Variants in PABIR3 observed in about 807,000 individuals in gnomAD.
PABIR3 encodes the protein PABIR family member 3, also known as PABIR family member 1.
A neutral mutation model predicts 23.1 loss-of-function variants in PABIR3; 20 were observed. The observed-to-expected ratio is 0.86, with a 90% CI of 0.61 to 1.26. The LOEUF is 1.26. PABIR3 is among the 50% of genes most tolerant of loss of function. The probability of loss-of-function intolerance (pLI) is 0.00; values close to 1 mark genes in which losing one functional copy is unlikely to be tolerated. For synonymous variants in PABIR3, 69 were observed against 68.5 expected, an observed-to-expected ratio of 1.01 and a Z score of -0.04; for missense variants, 189 against 195.4, an observed-to-expected ratio of 0.97 and a Z score of 0.20.
intron 3 of PABIR3, among the ~76,000 whole-genome samples, chrX:134,823,337 A>C (rs2081370891): frequency 8.9e-6 from 1 of 112,090 alleles, no homozygotes; most frequent in African/African-American, 3.2e-5. Flanking sequence ...AAGTATATGT[A>C]TACATTTAAG....
intron 3 of PABIR3, among the ~76,000 whole-genome samples, chrX:134,828,636 C>T (rs2081626154): frequency 9.0e-6 from 1 of 111,253 alleles, no homozygotes; most frequent in African/African-American, 3.3e-5. Context: ...AAAAAGTAGC[C>T]CCGAAAAAGA....
At chrX:134,859,771 C>T (rs747869052), downstream of PABIR3, among the ~76,000 whole-genome samples, 3 of 112,145 alleles carry the variant, frequency 2.7e-5, no homozygotes, top group East Asian at 8.3e-4. Flanking sequence ...TAAGTTGGTA[C>T]GTTAAGTTGG....
Position 134,814,854 on chromosome X carries a change from G to A in PABIR3, c.189+5G>A. The A allele has an allele frequency of 2.6e-6, 3 of 1,172,699 alleles. No individual in the cohort carries two copies. Among genetic ancestry groups the A allele is most frequent in the Non-Finnish European group, 3.5e-6 (3 of 867,909 alleles). On this transcript the variant is annotated splice_donor_5th_base_variant and intron_variant, in intron 3 of 10. Transcript: ENST00000645433. The stretch of plus-strand genomic sequence containing the variant: ...TTTAGGAATCGACGCTCTCTGGTAA[G>A]GAAATGCTTATAGTGGCCTCCCTGT...
chrX:134,801,384 C>G (rs1703356964), intron 1 of PABIR3, among the ~76,000 whole-genome samples: 1 of 112,225 alleles, frequency 8.9e-6, no homozygotes, highest in South Asian at 3.7e-4. Flanking sequence ...CTTGCCACCT[C>G]CAGAGTTGCC....
At chrX:134,812,105 C>A (rs1405405601) in intron 2 of PABIR3, among the ~76,000 whole-genome samples, 2 of 112,394 alleles carry the variant, frequency 1.8e-5, no homozygotes, top group African/African-American at 6.5e-5. Flanking sequence ...AACATCCATC[C>A]AGTTATACTA....
intron 3 of PABIR3, among the ~76,000 whole-genome samples, chrX:134,820,838 T>C (rs991917523): frequency 1.5e-4 from 16 of 108,335 alleles, no homozygotes; most frequent in Admixed American, 7.1e-4. Context: ...CTGGTCAACA[T>C]AGTGAAACCC....
chrX:134,856,185 G>GT (rs1382121084), downstream of PABIR3, among the ~76,000 whole-genome samples: 8 of 85,687 alleles, frequency 9.3e-5, no homozygotes, highest in South Asian at 6.5e-4. Context: ...CCTCTATTCA[G>GT]TTATTTTTTT....
chrX:134,835,841 AATTT>A (rs1340504555), intron 4 of PABIR3: 1 of 108,873 alleles, frequency 9.2e-6, no homozygotes, highest in Non-Finnish European at 1.9e-5. Context: ...TTATTTAATT[AATTT>A]ATTTATTTCT....
intron 2 of PABIR3, chrX:134,809,927 T>C (rs2080544276): frequency 1.3e-6 from 1 of 752,639 alleles, no homozygotes; most frequent in Non-Finnish European, 1.6e-6. Context: ...ACATTACCTT[T>C]TTAAAATAGG....
chrX:134,837,791 T>A (rs918873255), intron 4 of PABIR3, among the ~76,000 whole-genome samples: 1 of 112,229 alleles, frequency 8.9e-6, no homozygotes, highest in African/African-American at 3.2e-5. Context: ...TTAAGCAGAA[T>A]TCTATCTCAG....
intron 2 of PABIR3, chrX:134,811,124 A>G: frequency 1.3e-6 from 1 of 750,319 alleles, no homozygotes; most frequent in Non-Finnish European, 1.6e-6. Context: ...TTACTGTTTT[A>G]AAGAAGTATC....
rs866260965 is a variant in PABIR3, at chrX:134,828,039, C to A, written c.190-1187C>A. ...TCTCTCTCTCTCTCTCTCTCTCTCT[C>A]TCTCTCTCTATATATATATATATAT... On this transcript the variant is annotated intron_variant, in intron 3 of 10. Coordinates refer to ENST00000645433, the MANE Select transcript of PABIR3 (RefSeq NM_001388447.1). Among the ~76,000 whole-genome samples, 592 of 73,157 alleles carry A rather than the reference C, an allele frequency of 8.1e-3. 1 individual carries two copies. The highest frequency in any genetic ancestry group is 0.01 in the Non-Finnish European group (386 of 38,064). The allele number at this position is 73,157 out of a possible 115,157, so 63.5% of individuals were successfully genotyped here. A position where few individuals can be genotyped will look rare whatever the true frequency, so the allele number is the denominator to read the frequency against.
At chrX:134,824,051 A>T (rs890228669) in intron 3 of PABIR3, among the ~76,000 whole-genome samples, 6 of 111,636 alleles carry the variant, frequency 5.4e-5, no homozygotes, top group African/African-American at 2.0e-4. Context: ...TTAATTAAGG[A>T]TGTGCACAAA....
intron 3 of PABIR3, chrX:134,822,546 C>T (rs1349289095): frequency 1.3e-5 from 10 of 752,207 alleles, no homozygotes; most frequent in Non-Finnish European, 1.3e-5. Context: ...CTCATGATTT[C>T]CTGGATGAAG....
At chrX:134,840,552 G>T (rs1051496900) in intron 4 of PABIR3, among the ~76,000 whole-genome samples, 1 of 110,269 alleles carries the variant, frequency 9.1e-6, no homozygotes, top group Non-Finnish European at 1.9e-5. Context: ...CATTCTTATC[G>T]TCATCTTCAT....
At chrX:134,805,836 G>T, upstream of PABIR3, among the ~76,000 whole-genome samples, 1 of 110,893 alleles carries the variant, frequency 9.0e-6, no homozygotes, top group Non-Finnish European at 1.9e-5. Flanking sequence ...GGTGGAGGTT[G>T]TGGTGAGCCA....
downstream of PABIR3, among the ~76,000 whole-genome samples, chrX:134,856,435 C>T (rs2082750858): frequency 9.1e-6 from 1 of 110,468 alleles, no homozygotes; most frequent in Non-Finnish European, 1.9e-5. Context: ...ATCCACCCAC[C>T]TCGGCCTCCC....
intron 3 of PABIR3, among the ~76,000 whole-genome samples, chrX:134,820,433 G>A (rs2081206561): frequency 9.0e-6 from 1 of 111,559 alleles, no homozygotes; most frequent in Admixed American, 9.6e-5. Context: ...TGGTGCCACA[G>A]GCATCTAAAG....
intron 3 of PABIR3, among the ~76,000 whole-genome samples, chrX:134,824,011 A>G (rs1244483323): frequency 9.0e-6 from 1 of 110,745 alleles, no homozygotes; most frequent in African/African-American, 3.3e-5. Flanking sequence ...CAACCCAGAA[A>G]CTCCAGCTCT....
Sources: gnomAD v4.1 joint callset for allele counts (sites outside exome capture counted in the v4.1 genomes callset) on GRCh38, gnomAD v4.1.1 for gene constraint, MANE v1.5 for transcripts, NCBI Gene and HGNC (gene_info 2026-07-23, HGNC 2026-07-21) for gene names.